The following COPB1 variants were observed in gnomAD, a reference collection of about 807,000 sequenced individuals.
COPB1 encodes coat protein complex I subunit beta 1.
A neutral mutation model predicts 108.7 loss-of-function variants in COPB1; 21 were observed. That is an observed-to-expected ratio of 0.19 (90% CI 0.14 to 0.28). COPB1 has a LOEUF of 0.28. Among genes scored for constraint, COPB1 ranks in the 10% least tolerant of loss-of-function variants. COPB1 has a pLI of 1.00. For synonymous variants in COPB1, 378 were observed against 386.8 expected (o/e 0.98, Z 0.27); for missense variants, 919 against 1,141.3 (o/e 0.81, Z 2.81).
rs753907266 is a variant in COPB1, at chr11:14,474,452, T to G, written c.1737+43A>C. Reference sequence around the variant, plus strand: ...ACTGTTCAATGCATATAGTAGGCACTCAATGTTTAATTGTTGGTTAAATGT... The same window carrying G: ...ACTGTTCAATGCATATAGTAGGCACGCAATGTTTAATTGTTGGTTAAATGT... On this transcript the variant is annotated intron_variant, in intron 14 of 21. Coordinates refer to ENST00000439561, the MANE Select transcript of COPB1 (RefSeq NM_001144061.2). The G allele has an allele frequency of 1.9e-6, 3 of 1,588,696 alleles. No homozygotes were observed. The Admixed American group carries it at 5.1e-5, about 27-fold the overall frequency.
Position 14,457,807 on chromosome 11 carries a change from G to A in COPB1, c.*17C>T, listed in dbSNP as rs1850060673. ...ACCTAAATTAACTGTAAAGCTTCAA[G>A]GACTTTTTGTTTATTTTTATATACT... On this transcript the variant is annotated 3_prime_UTR_variant, in exon 22 of 22. Coordinates refer to ENST00000439561, the MANE Select transcript of COPB1 (RefSeq NM_001144061.2). 1 of 1,520,640 alleles carries A rather than the reference G, an allele frequency of 6.6e-7. No homozygotes were observed. Among genetic ancestry groups the A allele is most frequent in the African/African-American group, 1.4e-5 (1 of 72,994 alleles). 94.2% of individuals were successfully genotyped at this position (1,520,640 alleles called of 1,614,324 possible).
At chr11:14,494,081 T>C (rs1850967459) in intron 3 of COPB1, 129 bp downstream of exon 3, 3 of 721,196 alleles carry the variant, frequency 4.2e-6, no homozygotes, top group Non-Finnish European at 6.6e-6. Flanking sequence ...ATAACTCTTT[T>C]ACAATTCCAA....
In COPB1 at chr11:14,469,530, T is replaced by C. The variant is rs781094064; in HGVS notation, c.1771A>G (p.Thr591Ala). ...GAGGATTTTCCCAAATGCAGGATAG[T>C]AGCCATGAGCAACATAGCCTCAGCA... is the stretch of plus-strand genomic sequence containing the variant. ...FVAEAMLLMA[T>A]ILHLGKSSLP... Residue 591 changes from threonine (T) to alanine (A), a missense_variant, in exon 15 of 22, where the codon ACT becomes GCT. Coordinates refer to ENST00000439561, the MANE Select transcript of COPB1 (RefSeq NM_001144061.2). The C allele has an allele frequency of 1.9e-6, 3 of 1,614,210 alleles. No homozygotes were observed. The highest frequency in any genetic ancestry group is 2.2e-5 in the South Asian group (2 of 91,082).
chr11:14,481,863 A>G (rs1850668090), intron 8 of COPB1, among the ~76,000 whole-genome samples: 2 of 152,094 alleles, frequency 1.3e-5, no homozygotes, highest in South Asian at 4.1e-4. Flanking sequence ...ATCTTGGCTC[A>G]CTGCAACCTC....
intron 6 of COPB1, 29 bp from the exon 7 acceptor site, chr11:14,486,533 C>T (rs376115117): frequency 8.1e-6 from 13 of 1,605,634 alleles, no homozygotes; most frequent in Middle Eastern, 1.7e-4. Flanking sequence ...ACATTTCAAC[C>T]GATTTCAGGA....
intron 12 of COPB1, 83 bp downstream of exon 12, chr11:14,476,836 T>C (rs1850530590): frequency 2.5e-6 from 2 of 793,856 alleles, no homozygotes; most frequent in Non-Finnish European, 4.3e-6. Context: ...GTGTAAATAA[T>C]GTAAGCAAAT....
At chr11:14,462,063 AT>A (rs1289445391) in intron 18 of COPB1, among the ~76,000 whole-genome samples, 136 of 142,864 alleles carry the variant, frequency 9.5e-4, no homozygotes, top group Admixed American at 1.4e-3. Flanking sequence ...AGACACAACC[AT>A]TTTTTTTTTT....
At chr11:14,475,646 C>T (rs1850505251) in intron 13 of COPB1, 139 bp downstream of exon 13, 2 of 741,640 alleles carry the variant, frequency 2.7e-6, no homozygotes, top group Non-Finnish European at 3.9e-6. Flanking sequence ...TAAACATCCT[C>T]CGCTTCTCAA....
At chr11:14,494,119 A>G in intron 3 of COPB1, 91 bp downstream of exon 3, 2 of 863,776 alleles carry the variant, frequency 2.3e-6, no homozygotes, top group South Asian at 3.5e-5. Flanking sequence ...CTTATCAAAG[A>G]CTCAATTTTA....
chr11:14,466,031 C>T (rs563546510), intron 17 of COPB1, among the ~76,000 whole-genome samples: 1 of 152,184 alleles, frequency 6.6e-6, no homozygotes, highest in African/African-American at 2.4e-5. Flanking sequence ...ACTAGAAATA[C>T]TGACATTTGC....
chr11:14,490,853 G>A (rs190689910), intron 4 of COPB1, among the ~76,000 whole-genome samples, 174 bp from the exon 5 acceptor site: 7 of 151,304 alleles, frequency 4.6e-5, no homozygotes, highest in South Asian at 2.1e-4. Flanking sequence ...GCAGTGGTGC[G>A]ATCTCAGCTC....
At position 14,458,636 on chromosome 11, in the gene COPB1, T is replaced by A; in HGVS notation, c.2698A>T (p.Ile900Leu). ...TTTGCAAGTGCATCTTCACCAAATA[T>A]GGAACGAGCATAAAGGTTGGCTGCC... is the stretch of plus-strand genomic sequence containing the variant. ...FMAANLYARS[I>L]FGEDALANVS... Residue 900 changes from isoleucine to leucine, a missense_variant, in exon 21 of 22, where the codon ATA (isoleucine) becomes TTA (leucine). Physicochemically the swap from Ile to Leu is conservative, Grantham distance 5. Transcript: ENST00000439561. 1 of 1,613,812 alleles carries A rather than the reference T, an allele frequency of 6.2e-7. No individual in the cohort carries two copies.
At chr11:14,481,605 G>T (rs1359496868) in intron 8 of COPB1, among the ~76,000 whole-genome samples, 1 of 152,052 alleles carries the variant, frequency 6.6e-6, no homozygotes, top group Non-Finnish European at 1.5e-5. Flanking sequence ...ATATAGACTT[G>T]GTATTAGATA....
intron 14 of COPB1, 52 bp downstream of exon 14, chr11:14,474,443 A>G (rs1850472726): frequency 6.4e-7 from 1 of 1,556,094 alleles, no homozygotes; most frequent in South Asian, 1.1e-5. Flanking sequence ...CAATGCATAT[A>G]GTAGGCACTC....
At chr11:14,479,487 A>G (rs1478075168) in intron 11 of COPB1, 82 bp downstream of exon 11, 2 of 1,367,236 alleles carry the variant, frequency 1.5e-6, no homozygotes, top group Non-Finnish European at 2.0e-6. Context: ...TCTCCATTCT[A>G]TTTTCTATCA....
intron 8 of COPB1, among the ~76,000 whole-genome samples, chr11:14,482,123 T>C (rs1480324034): frequency 6.6e-6 from 1 of 152,182 alleles, no homozygotes; most frequent in Non-Finnish European, 1.5e-5. Context: ...ATAATTTTAG[T>C]GTATCTCTCT....
intron 11 of COPB1, among the ~76,000 whole-genome samples, chr11:14,477,610 T>G (rs1457545563): frequency 7.1e-6 from 1 of 141,362 alleles, no homozygotes; most frequent in Non-Finnish European, 1.5e-5. Flanking sequence ...AAGAGCTCCT[T>G]GAGGCCGGGC....
rs551814457 is a variant in COPB1 at position 14,493,617 on chromosome 11, A to G, written c.491+25T>C. 5 of 1,563,500 alleles carry G rather than the reference A, an allele frequency of 3.2e-6. No individual in the cohort carries two copies. The African/African-American group carries it at 4.1e-5, about 13-fold the overall frequency. On this transcript the variant is annotated intron_variant, in intron 4 of 21. Transcript: ENST00000439561. Reference sequence around the variant, plus strand: ...AAGACTAAACAGTACTCACAGAATGAAGCCAAAGCAGTATCTTTATTTACC... The same window carrying G: ...AAGACTAAACAGTACTCACAGAATGGAGCCAAAGCAGTATCTTTATTTACC...
rs759304532 is a variant in COPB1 at position 14,483,055 on chromosome 11, G to A, written c.934C>T (p.Pro312Ser). The A allele has an allele frequency of 3.0e-5, 47 of 1,574,592 alleles. No individual in the cohort carries two copies. Among genetic ancestry groups the A allele is most frequent in the Non-Finnish European group, 3.6e-5 (41 of 1,150,792 alleles). Reference protein sequence around the residue: ...LDRLIELKEHPAHERVLQDLV... With the variant: ...LDRLIELKEHSAHERVLQDLV... The stretch of plus-strand genomic sequence containing the variant: ...ACCTGTAGTACTCGTTCATGAGCAG[G>A]ATGCTCTTTTAATTCTATCAAGCGA... Residue 312 changes from proline to serine, a missense_variant, in exon 8 of 22, where the codon CCT (proline) becomes TCT (serine). By Grantham distance (74) the Pro-to-Ser change is moderately conservative. This residue lies in a region of COPB1 where 705 missense variants were observed against 817.8 expected (regional missense o/e 0.86). Transcript: ENST00000439561.
Sources: gnomAD v4.1 joint callset for allele counts (sites outside exome capture counted in the v4.1 genomes callset) on GRCh38, gnomAD v4.1.1 for gene constraint, gnomAD v4.1.1 regional missense constraint, MANE v1.5 for transcripts, NCBI Gene and HGNC (gene_info 2026-07-23, HGNC 2026-07-21) for gene names.